The following ZNF469 variants were observed in gnomAD, a reference collection of about 807,000 sequenced individuals.
ZNF469 encodes zinc finger protein 469.
A neutral mutation model predicts 1.0 loss-of-function variants in ZNF469; 1 was observed. The observed-to-expected ratio is 1.00, with a 90% CI of 0.35 to 4.73. ZNF469 has a LOEUF of 4.73. Among genes scored for constraint, ZNF469 ranks in the 30% most tolerant of loss-of-function variants. ZNF469 has a pLI of 0.16. For synonymous variants in ZNF469, 2,703 were observed against 2,363.4 expected, an observed-to-expected ratio of 1.14 and a Z score of -4.17; for missense variants, 6,100 against 5,356.3, an observed-to-expected ratio of 1.14 and a Z score of -4.33.
chr16:88,145,748 GC>G, the ZNF469 span, among the ~76,000 whole-genome samples: 1 of 152,238 alleles, frequency 6.6e-6, no homozygotes, highest in Admixed American at 6.5e-5. Context: ...TTAGGGTGCT[GC>G]CCCAGCCCCC....
At chr16:88,202,714 C>G in the ZNF469 span, among the ~76,000 whole-genome samples, 2 of 152,214 alleles carry the variant, frequency 1.3e-5, no homozygotes, top group Non-Finnish European at 2.9e-5. Context: ...GGGCGCCTCA[C>G]TCCTCACCGT....
the ZNF469 span, among the ~76,000 whole-genome samples, chr16:88,239,681 A>T: frequency 2.5e-4 from 1 of 4,070 alleles, no homozygotes; most frequent in African/African-American, 1.3e-3. Context: ...ATATATATAT[A>T]TATATATATA....
chr16:88,317,089 C>A, the ZNF469 span, among the ~76,000 whole-genome samples: 1 of 152,206 alleles, frequency 6.6e-6, no homozygotes. Flanking sequence ...CGGCCAGAGG[C>A]TTGAGGAGAG....
the ZNF469 span, among the ~76,000 whole-genome samples, chr16:88,102,941 G>T: frequency 6.6e-5 from 10 of 152,278 alleles, no homozygotes; most frequent in Non-Finnish European, 1.5e-4. Flanking sequence ...GTCCCAAGAT[G>T]AGGGTGTTCA....
At chr16:88,238,982 G>C in the ZNF469 span, among the ~76,000 whole-genome samples, 1 of 152,348 alleles carries the variant, frequency 6.6e-6, no homozygotes, top group East Asian at 1.9e-4. Flanking sequence ...TGGTGACTGT[G>C]TGAGGCTGGG....
chr16:88,146,971 C>T, the ZNF469 span, among the ~76,000 whole-genome samples: 2 of 152,010 alleles, frequency 1.3e-5, no homozygotes, highest in Non-Finnish European at 2.9e-5. Context: ...ACTGTCCCCA[C>T]GTCAGGAGGG....
the ZNF469 span, among the ~76,000 whole-genome samples, chr16:88,292,591 G>A: frequency 2.0e-5 from 3 of 151,972 alleles, no homozygotes; most frequent in Admixed American, 6.6e-5. Context: ...CAGCTAAGTC[G>A]GGTGGGTGGG....
At position 88,427,860 on chromosome 16, in the gene ZNF469, G is replaced by A; in HGVS notation, c.390G>A (p.Lys130=). 5 of 1,549,512 alleles carry A rather than the reference G, an allele frequency of 3.2e-6. No homozygotes were observed. Among genetic ancestry groups the A allele is most frequent in the Non-Finnish European group, 4.4e-6 (5 of 1,146,800 alleles). Residue 130 remains lysine, a synonymous_variant, in exon 3 of 3, where the codon AAG becomes AAA. Coordinates refer to ENST00000565624, the MANE Select transcript of ZNF469 (RefSeq NM_001367624.2). ...YILGIASSRT[K]PTLDETPENP... ...TGGGCATCGCCAGCTCGAGGACCAAGCCCACCCTGGACGAGACACCAGAGA... is the reference window on the plus strand; with the variant it reads ...TGGGCATCGCCAGCTCGAGGACCAAACCCACCCTGGACGAGACACCAGAGA...
the ZNF469 span, among the ~76,000 whole-genome samples, chr16:88,256,052 A>G: frequency 6.6e-6 from 1 of 152,240 alleles, no homozygotes; most frequent in African/African-American, 2.4e-5. Context: ...GTACTTGTCC[A>G]AAATGGCGAT....
chr16:88,379,908 G>A (rs2092516538), upstream of ZNF469, among the ~76,000 whole-genome samples: 1 of 152,184 alleles, frequency 6.6e-6, no homozygotes, highest in South Asian at 2.1e-4. Flanking sequence ...GCCCGGAGTG[G>A]GTACAGGGTC....
the ZNF469 span, among the ~76,000 whole-genome samples, chr16:88,120,620 C>G: frequency 3.9e-5 from 6 of 152,156 alleles, no homozygotes; most frequent in Admixed American, 2.0e-4. Context: ...GCCGCCCTGT[C>G]CACGGAGCAT....
the ZNF469 span, among the ~76,000 whole-genome samples, chr16:88,319,946 G>A: frequency 1.3e-5 from 2 of 152,230 alleles, no homozygotes; most frequent in Non-Finnish European, 2.9e-5. Context: ...TGTGGGGTCA[G>A]TGAGGGTTTC....
the ZNF469 span, among the ~76,000 whole-genome samples, chr16:88,326,811 A>AC: frequency 4.6e-5 from 7 of 150,736 alleles, no homozygotes; most frequent in South Asian, 8.6e-4. Context: ...GCCGGTCCTG[A>AC]CCCCCCCGCT....
At chr16:88,389,246 C>T (rs866078082) in intron 1 of ZNF469, among the ~76,000 whole-genome samples, 4 of 152,270 alleles carry the variant, frequency 2.6e-5, no homozygotes, top group South Asian at 2.1e-4. Context: ...ACTTCGAGTA[C>T]GTGGTTCCTA....
chr16:88,414,597 G>C (rs1905257684), intron 1 of ZNF469, among the ~76,000 whole-genome samples: 1 of 152,236 alleles, frequency 6.6e-6, no homozygotes. Context: ...CGGCAGGAGG[G>C]TCCGAGGGAG....
the ZNF469 span, among the ~76,000 whole-genome samples, chr16:88,253,660 C>T: frequency 1.3e-5 from 2 of 151,438 alleles, no homozygotes; most frequent in African/African-American, 4.9e-5. Flanking sequence ...GCCTCAGCCT[C>T]CTGAGTAGCT....
chr16:88,312,722 G>A, the ZNF469 span, among the ~76,000 whole-genome samples: 1 of 152,126 alleles, frequency 6.6e-6, no homozygotes, highest in South Asian at 2.1e-4. Context: ...TGTCTAGGGG[G>A]TGAGCCAGCT....
At chr16:88,325,475 G>A in the ZNF469 span, among the ~76,000 whole-genome samples, 512 of 152,372 alleles carry the variant, frequency 3.4e-3, 3 homozygotes, top group African/African-American at 0.011. Flanking sequence ...CAGGGGACCC[G>A]GAGGACACAG....
the ZNF469 span, among the ~76,000 whole-genome samples, chr16:88,376,800 C>G: frequency 2.0e-5 from 3 of 152,210 alleles, no homozygotes; most frequent in Non-Finnish European, 4.4e-5. Context: ...CCCAGGCCAC[C>G]AGCTGCCTGC....
Sources: gnomAD v4.1 joint callset for allele counts (sites outside exome capture counted in the v4.1 genomes callset) on GRCh38, gnomAD v4.1.1 for gene constraint, MANE v1.5 for transcripts, NCBI Gene and HGNC (gene_info 2026-07-23, HGNC 2026-07-21) for gene names.